Variants in TEX15 observed in about 807,000 individuals in gnomAD.
TEX15 encodes testis expressed 15, meiosis and synapsis associated.
Under a neutral mutation model 237.3 loss-of-function variants are expected in TEX15, and 171 were observed. The ratio of observed to expected loss-of-function variants is 0.72; its 90% CI spans 0.64 to 0.82. The LOEUF is 0.82. Among genes scored for constraint, TEX15 ranks in the 40% least tolerant of loss-of-function variants. The probability of loss-of-function intolerance (pLI) is 0.00; values close to 1 mark genes in which losing one functional copy is unlikely to be tolerated. For missense variants in TEX15, 3,750 were observed against 3,646.5 expected, an observed-to-expected ratio of 1.03 and a Z score of -0.73; for synonymous variants, 1,338 against 1,269.8, an observed-to-expected ratio of 1.05 and a Z score of -1.14.
At position 30,845,499 on chromosome 8, in the gene TEX15, A is replaced by G. The variant is rs781067136; in HGVS notation, c.4668T>C (p.Tyr1556=). The change falls in exon 8 of 11, where the codon TAT becomes TAC. Residue 1556 remains tyrosine (Y), a synonymous_variant. Coordinates refer to ENST00000643185, the MANE Select transcript of TEX15 (RefSeq NM_001350162.2). ...EHQPFSGKTA[Y]LFSPDHSDEK... is the part of the protein sequence containing the mutation. ...CATCTGAGTGGTCTGGGGAAAACAG[A>G]TATGCAGTTTTTCCAGAAAAGGGCT... 7.4e-6 allele frequency: 12 copies of G among 1,613,400 alleles called. No individual in the cohort carries two copies. The highest frequency in any genetic ancestry group is 9.3e-6 in the Non-Finnish European group (11 of 1,179,574).
chr8:30,852,566 C>T (rs1055569931), intron 7 of TEX15, among the ~76,000 whole-genome samples: 2 of 152,064 alleles, frequency 1.3e-5, no homozygotes, highest in African/African-American at 4.8e-5. Context: ...TTGGCATTCT[C>T]ATCAAATGAC....
At chr8:30,860,245 T>C (rs564842813) in intron 5 of TEX15, among the ~76,000 whole-genome samples, 188 bp from the exon 6 acceptor site, 149 of 151,854 alleles carry the variant, frequency 9.8e-4, no homozygotes, top group African/African-American at 3.2e-3. Context: ...CTCGGCCCCG[T>C]TGAGTAGCTG....
At chr8:30,881,921 C>T (rs1808535585) in intron 3 of TEX15, among the ~76,000 whole-genome samples, 1 of 152,058 alleles carries the variant, frequency 6.6e-6, no homozygotes, top group Admixed American at 6.6e-5. Flanking sequence ...CCGCACCCAG[C>T]CTTTCTTTTT....
intron 7 of TEX15, among the ~76,000 whole-genome samples, chr8:30,850,485 G>C (rs1419147020): frequency 6.6e-6 from 1 of 152,110 alleles, no homozygotes. Context: ...TCACTGACAA[G>C]TACCATAAGG....
rs746836941 is a variant in TEX15, at chr8:30,845,275, G to A, written c.4892C>T (p.Thr1631Ile). ...GCAAGTTGCATCACAATCGTTGCCT[G>A]TACTAGAATTTATGTTTTCTTTTAT... ...SCIKENINSS[T>I]GNDCDATCIG... Residue 1631 changes from threonine (T) to isoleucine (I), a missense_variant, in exon 8 of 11, where the codon ACA becomes ATA. Coordinates refer to ENST00000643185, the MANE Select transcript of TEX15 (RefSeq NM_001350162.2). The A allele has an allele frequency of 1.2e-6, 2 of 1,613,256 alleles. No individual in the cohort carries two copies. The highest frequency in any genetic ancestry group is 1.7e-6 in the Non-Finnish European group (2 of 1,179,480).
At position 30,895,297 on chromosome 8, in the gene TEX15, C is replaced by CAAA. The variant is rs34514049; in HGVS notation, c.-10+3442_-10+3444dup. On this transcript the variant is annotated intron_variant, in intron 2 of 10. Coordinates refer to ENST00000643185, the MANE Select transcript of TEX15 (RefSeq NM_001350162.2). ...TAGGCGACAAAGCGAGACTCCATCT[C>CAAA]AAAAAAAAAAAAAAAAAAAAAAAAA... is the stretch of plus-strand genomic sequence containing the variant. Among the ~76,000 whole-genome samples, 164 of 60,350 alleles carry CAAA rather than the reference C, an allele frequency of 2.7e-3. 3 individuals are homozygous for CAAA. Among genetic ancestry groups the CAAA allele is most frequent in the Non-Finnish European group, 4.2e-3 (118 of 27,912 alleles). 39.6% of individuals were successfully genotyped at this position (60,350 alleles called of 152,430 possible). A position where few individuals can be genotyped will look rare whatever the true frequency, so the allele number is the denominator to read the frequency against.
At position 30,844,750 on chromosome 8, in the gene TEX15, C is replaced by G. The variant is rs1807553806; in HGVS notation, c.5417G>C (p.Gly1806Ala). The change falls in exon 8 of 11, where the codon GGG becomes GCG. Residue 1806 changes from glycine (G) to alanine (A), a missense_variant. By Grantham distance (60) the Gly-to-Ala change is moderately conservative. Transcript: ENST00000643185. Reference protein sequence around the residue: ...ASGTEEDKSYGENIVELSSSD... With the variant: ...ASGTEEDKSYAENIVELSSSD... ...GGAAGATAATTCCACTATATTTTCC[C>G]CATAACTTTTATCTTCTTCAGTTCC... The G allele has an allele frequency of 1.2e-6, 2 of 1,613,052 alleles. No individual in the cohort carries two copies. The highest frequency in any genetic ancestry group is 1.7e-6 in the Non-Finnish European group (2 of 1,179,538).
chr8:30,844,220 C>T lies in TEX15; in HGVS notation c.5947G>A (p.Asp1983Asn), dbSNP rs777738326. The T allele has an allele frequency of 1.2e-6, 2 of 1,611,200 alleles. No individual in the cohort carries two copies. Among genetic ancestry groups the T allele is most frequent in the South Asian group, 1.1e-5 (1 of 90,360 alleles). The change falls in exon 8 of 11, where the codon GAT becomes AAT. Residue 1983 changes from aspartate to asparagine, a missense_variant. By Grantham distance (23) the Asp-to-Asn change is conservative. Coordinates refer to ENST00000643185, the MANE Select transcript of TEX15 (RefSeq NM_001350162.2). ...LLKKPASYVS[D>N]FKEKHCSANH... The stretch of plus-strand genomic sequence containing the variant: ...GCTGAGCAATGTTTTTCTTTAAAAT[C>T]ACTCACGTATGACGCAGGTTTCTTC...
At chr8:30,838,123 G>A in intron 9 of TEX15, 62 bp from the exon 10 acceptor site, 2 of 1,381,430 alleles carry the variant, frequency 1.4e-6, no homozygotes, top group East Asian at 2.5e-5. Flanking sequence ...AAATTTTAAT[G>A]GAAATATATA....
At position 30,847,093 on chromosome 8, in the gene TEX15, C is replaced by T. The variant is rs747275432; in HGVS notation, c.3074G>A (p.Arg1025Lys). Reference protein sequence around the residue: ...SPDFGLLVKHRVSDCEIDTDK... With the variant: ...SPDFGLLVKHKVSDCEIDTDK... The stretch of plus-strand genomic sequence containing the variant: ...CGTATCAATTTCACAATCAGAAACC[C>T]TATGTTTTACTAACAAACCAAAATC... Residue 1025 changes from arginine (R) to lysine (K), a missense_variant, in exon 8 of 11, where the codon AGG becomes AAG. Physicochemically the swap from Arg to Lys is conservative, Grantham distance 26. Transcript: ENST00000643185. 22 of 1,613,406 alleles carry T rather than the reference C, an allele frequency of 1.4e-5. No homozygotes were observed. Among genetic ancestry groups the T allele is most frequent in the African/African-American group, 4.0e-5 (3 of 74,896 alleles).
chr8:30,833,207 C>A lies in TEX15; in HGVS notation c.*79G>T. ...CCACATTTACAAACATTAAAAATCGCTAAATGTTAAAAAATATATAAGTAA... is the reference window on the plus strand; with the variant it reads ...CCACATTTACAAACATTAAAAATCGATAAATGTTAAAAAATATATAAGTAA... On this transcript the variant is annotated 3_prime_UTR_variant, in exon 11 of 11. Transcript: ENST00000643185. The A allele has an allele frequency of 1.1e-6, 1 of 946,750 alleles. No homozygotes were observed. The highest frequency in any genetic ancestry group is 1.6e-6 in the Non-Finnish European group (1 of 633,470). The allele number at this position is 946,750 out of a possible 1,614,324, so 58.6% of individuals were successfully genotyped here. A position where few individuals can be genotyped will look rare whatever the true frequency, so the allele number is the denominator to read the frequency against.
At chr8:30,856,095 G>A (rs1056026787) in intron 7 of TEX15, among the ~76,000 whole-genome samples, 1 of 152,168 alleles carries the variant, frequency 6.6e-6, no homozygotes, top group Middle Eastern at 3.4e-3. Context: ...ATAGGCGCCT[G>A]GCACCATGCC....
At chr8:30,849,582 A>C (rs1161423372) in intron 7 of TEX15, among the ~76,000 whole-genome samples, 1 of 152,198 alleles carries the variant, frequency 6.6e-6, no homozygotes, top group Non-Finnish European at 1.5e-5. Flanking sequence ...GACAAATAAT[A>C]GAAAAAAAAT....
At chr8:30,871,389 C>T (rs1585300298) in intron 4 of TEX15, among the ~76,000 whole-genome samples, 1 of 152,076 alleles carries the variant, frequency 6.6e-6, no homozygotes, top group East Asian at 1.9e-4. Flanking sequence ...TCTTTATCCA[C>T]ATCCAGCTCC....
At chr8:30,869,415 C>T (rs575218181) in intron 4 of TEX15, among the ~76,000 whole-genome samples, 3 of 152,000 alleles carry the variant, frequency 2.0e-5, no homozygotes, top group Non-Finnish European at 2.9e-5. Context: ...AAACTCCCTC[C>T]GCTTGTAACA....
chr8:30,833,727 G>A (rs994780069), intron 10 of TEX15, among the ~76,000 whole-genome samples: 2 of 152,194 alleles, frequency 1.3e-5, no homozygotes, highest in Non-Finnish European at 2.9e-5. Context: ...AGTGTGAGAG[G>A]TGATTTCTGT....
At position 30,848,655 on chromosome 8, in the gene TEX15, A is replaced by G. The variant is rs1227900597; in HGVS notation, c.1512T>C (p.Asn504=). Residue 504 remains asparagine (N), a synonymous_variant, in exon 8 of 11, where the codon AAT becomes AAC. Coordinates refer to ENST00000643185, the MANE Select transcript of TEX15 (RefSeq NM_001350162.2). ...TGTTGTGAGCCCAAGATTGTGAATC[A>G]TTAACAGAAGTTTTAAAGCAAGGGG... is the stretch of plus-strand genomic sequence containing the variant. ...LDTPCFKTSV[N]DSQSWAHNMG... is the part of the protein sequence containing the mutation. 1.2e-6 allele frequency: 2 copies of G among 1,614,238 alleles called. No homozygotes were observed. Among genetic ancestry groups the G allele is most frequent in the Non-Finnish European group, 1.7e-6 (2 of 1,180,036 alleles).
rs752279183 is a variant in TEX15 at position 30,837,117 on chromosome 8, G to A, written c.9167C>T (p.Ala3056Val). ...VYQYSNSNGN[A>V]ITQTYQGITS... Reference sequence around the variant, plus strand: ...TATCCCTTGGTATGTCTGGGTAATGGCATTGCCATTGCTGTTGCTGTACTG... The same window carrying A: ...TATCCCTTGGTATGTCTGGGTAATGACATTGCCATTGCTGTTGCTGTACTG... Residue 3056 changes from alanine to valine, a missense_variant, in exon 10 of 11, where the codon GCC becomes GTC. Ala to Val is a moderately conservative substitution (Grantham distance 64). Coordinates refer to ENST00000643185, the MANE Select transcript of TEX15 (RefSeq NM_001350162.2). 5.6e-6 allele frequency: 9 copies of A among 1,613,952 alleles called. No individual in the cohort carries two copies. In the Admixed American group the frequency reaches 1.3e-4, roughly 24 times the overall value.
intron 1 of TEX15, among the ~76,000 whole-genome samples, chr8:30,907,717 AAAATTT>A (rs1809138293): frequency 6.9e-6 from 1 of 144,314 alleles, no homozygotes; most frequent in South Asian, 2.1e-4. Flanking sequence ...AATTAGATAT[AAAATTT>A]ATATATAAAT....
Sources: gnomAD v4.1 joint callset for allele counts (sites outside exome capture counted in the v4.1 genomes callset) on GRCh38, gnomAD v4.1.1 for gene constraint, MANE v1.5 for transcripts, NCBI Gene and HGNC (gene_info 2026-07-23, HGNC 2026-07-21) for gene names.